Variants in PARVG observed in about 807,000 individuals in gnomAD.
PARVG encodes parvin gamma, also known as gamma-parvin.
A neutral mutation model predicts 44.4 loss-of-function variants in PARVG; 36 were observed. The observed-to-expected ratio is 0.81, with a 90% CI of 0.62 to 1.07. PARVG has a LOEUF of 1.07. Ranked by LOEUF, PARVG falls within the 50% of genes least tolerant of loss-of-function variation. The probability of loss-of-function intolerance (pLI) is 0.00; values close to 1 mark genes in which losing one functional copy is unlikely to be tolerated. For synonymous variants in PARVG, 170 were observed against 174.1 expected (o/e 0.98, Z 0.19); for missense variants, 407 against 407.4 (o/e 1.00, Z 0.01).
chr22:44,190,476 CA>C (rs1247991199), intron 6 of PARVG, 74 bp from the exon 7 acceptor site: 4 of 1,098,602 alleles, frequency 3.6e-6, no homozygotes, highest in Non-Finnish European at 5.6e-6. Context: ...GTTGTTCTGA[CA>C]GTGAGGAAGC....
chr22:44,185,746 G>A (rs762024891), intron 3 of PARVG, 62 bp from the exon 4 acceptor site: 21 of 1,431,840 alleles, frequency 1.5e-5, no homozygotes, highest in Non-Finnish European at 2.0e-5. Flanking sequence ...GTGACCTGCA[G>A]GGAGTGTGGC....
At chr22:44,204,075 C>T (rs547506978) in intron 12 of PARVG, among the ~76,000 whole-genome samples, 5 of 152,306 alleles carry the variant, frequency 3.3e-5, no homozygotes, top group Admixed American at 3.3e-4. Flanking sequence ...GAACTCCTGA[C>T]CTCAGGTGAT....
At chr22:44,173,169 G>A (rs1386121361) in exon 1 of PARVG, 2 of 1,274,920 alleles carry the variant, frequency 1.6e-6, no homozygotes, top group Non-Finnish European at 1.0e-6. Flanking sequence ...AAGGAGAAGA[G>A]GGCAGCAGAG....
At chr22:44,198,945 C>CCCATCCAT (rs1292696321) in intron 12 of PARVG, among the ~76,000 whole-genome samples, 62 of 23,022 alleles carry the variant, frequency 2.7e-3, no homozygotes, top group African/African-American at 9.7e-3. Context: ...CATCCACCCA[C>CCCATCCAT]CCATCCATCC....
At chr22:44,188,003 C>A in intron 5 of PARVG, 125 bp downstream of exon 5, 3 of 974,786 alleles carry the variant, frequency 3.1e-6, no homozygotes, top group South Asian at 1.4e-5. Context: ...GGACACCTGT[C>A]TCACTTTCTA....
rs1249598044 is a variant in PARVG, at chr22:44,206,416, C to A, written c.986C>A (p.Ala329Asp). 1.2e-6 allele frequency: 2 copies of A among 1,613,794 alleles called. No homozygotes were observed. Among genetic ancestry groups the A allele is most frequent in the African/African-American group, 2.7e-5 (2 of 74,882 alleles). Residue 329 changes from alanine to aspartate, a missense_variant, in exon 14 of 14, where the codon GCC (alanine) becomes GAC (aspartate). Physicochemically the swap from Ala to Asp is moderately radical, Grantham distance 126. Coordinates refer to ENST00000444313, the MANE Select transcript of PARVG (RefSeq NM_022141.7). ...CACAGGGACAGGACGCCCCATGGAGCCCCGAATTGACCCTCACTGCCTCCA... is the reference window on the plus strand; with the variant it reads ...CACAGGGACAGGACGCCCCATGGAGACCCGAATTGACCCTCACTGCCTCCA... Reference protein sequence around the residue: ...KAHRDRTPHGAPN With the variant: ...KAHRDRTPHGDPN
chr22:44,181,570 G>T, intron 1 of PARVG, 172 bp from the exon 2 acceptor site: 1 of 589,848 alleles, frequency 1.7e-6, no homozygotes, highest in Non-Finnish European at 2.1e-6. Flanking sequence ...AAACTGGCAT[G>T]GTTTGGGGAA....
At chr22:44,173,359 T>C (rs1290126975) in intron 1 of PARVG, among the ~76,000 whole-genome samples, 4 of 152,110 alleles carry the variant, frequency 2.6e-5, no homozygotes, top group Non-Finnish European at 2.9e-5. Context: ...CGCTGTTGAC[T>C]CTGAAAGGCA....
chr22:44,202,787 T>A (rs955567986), intron 12 of PARVG, among the ~76,000 whole-genome samples: 1 of 152,210 alleles, frequency 6.6e-6, no homozygotes, highest in African/African-American at 2.4e-5. Context: ...CAGACCCTCT[T>A]TGCTGATGGT....
rs114452581 is a variant in PARVG, at chr22:44,182,667, G to A, written c.-12-651G>A. On this transcript the variant is annotated intron_variant, in intron 2 of 13. Transcript: ENST00000444313. This position sits in a 1 kb window ranked among gnomAD's most constrained non-coding sequence, Gnocchi z 4.6. ...GGGAGGAAGAGGGAGGCCAGAAGGCGCCAGCCGAGCCAGCGAAGCCTTCAC... is the reference window on the plus strand; with the variant it reads ...GGGAGGAAGAGGGAGGCCAGAAGGCACCAGCCGAGCCAGCGAAGCCTTCAC... 3.3e-3 allele frequency among the ~76,000 whole-genome samples: 498 copies of A among 152,320 alleles called. 4 individuals are homozygous for A. Among genetic ancestry groups the A allele is most frequent in the African/African-American group, 0.011 (464 of 41,572 alleles).
chr22:44,199,592 T>C (rs2054677658), intron 12 of PARVG, among the ~76,000 whole-genome samples: 1 of 152,186 alleles, frequency 6.6e-6, no homozygotes, highest in Admixed American at 6.5e-5. Flanking sequence ...ACGTGTGGTC[T>C]TGCAGGGCCA....
intron 12 of PARVG, among the ~76,000 whole-genome samples, chr22:44,199,999 G>A (rs991263011): frequency 6.6e-6 from 1 of 152,122 alleles, no homozygotes; most frequent in Admixed American, 6.5e-5. Context: ...AGTGATGGAG[G>A]TGGGGTGAGA....
upstream of PARVG, among the ~76,000 whole-genome samples, chr22:44,177,537 A>G (rs930596735): frequency 2.0e-5 from 3 of 152,024 alleles, no homozygotes; most frequent in African/African-American, 7.3e-5. Context: ...CTTATGTTTC[A>G]TAGCCTTGAT....
chr22:44,207,768 G>C lies in PARVG; in HGVS notation c.*1342G>C, dbSNP rs1254068050. On this transcript the variant is annotated 3_prime_UTR_variant, in exon 14 of 14. Transcript: ENST00000444313. ...GTCTGGGTGTGAGAAGGCCTTGAGGGGTCTTCCCTTCACCTAGCCTCCCAT... is the reference window on the plus strand; with the variant it reads ...GTCTGGGTGTGAGAAGGCCTTGAGGCGTCTTCCCTTCACCTAGCCTCCCAT... 6.6e-6 allele frequency: 1 copy of C among 152,192 alleles called. No individual in the cohort carries two copies. Among genetic ancestry groups the C allele is most frequent in the Non-Finnish European group, 1.5e-5 (1 of 68,122 alleles). The allele number at this position is 152,192 out of a possible 1,614,324, so 9.4% of individuals were successfully genotyped here.
upstream of PARVG, among the ~76,000 whole-genome samples, chr22:44,177,531 T>C (rs5764108): frequency 5.8e-4 from 89 of 152,320 alleles, 1 homozygote; most frequent in East Asian, 0.011. Context: ...TCTTTCCTTA[T>C]GTTTCATAGC....
intron 8 of PARVG, among the ~76,000 whole-genome samples, chr22:44,192,832 C>T (rs2054568672): frequency 6.6e-6 from 1 of 152,246 alleles, no homozygotes; most frequent in African/African-American, 2.4e-5. Context: ...GGGAGCATGG[C>T]TGTCCTGCTC....
At chr22:44,198,009 T>C (rs964514059) in intron 11 of PARVG, among the ~76,000 whole-genome samples, 1 of 152,178 alleles carries the variant, frequency 6.6e-6, no homozygotes, top group African/African-American at 2.4e-5. Context: ...GCATTTCAGT[T>C]GTATTACCAA....
At chr22:44,185,596 A>G (rs561109916) in intron 3 of PARVG, 2 of 485,420 alleles carry the variant, frequency 4.1e-6, no homozygotes, top group African/African-American at 3.9e-5. Flanking sequence ...TCAAGAAATA[A>G]CTTCCGAGTT....
intron 6 of PARVG, 93 bp from the exon 7 acceptor site, chr22:44,190,458 T>C (rs1010344441): frequency 3.3e-6 from 3 of 921,992 alleles, no homozygotes; most frequent in Non-Finnish European, 5.4e-6. Flanking sequence ...CTCCTTGGTC[T>C]GCAGATGGTT....
Sources: allele counts gnomAD v4.1 joint callset (sites outside exome capture counted in the v4.1 genomes callset), GRCh38; gene constraint gnomAD v4.1.1; non-coding constraint Gnocchi (gnomAD v3.1); transcripts MANE v1.5; gene names NCBI Gene and HGNC (gene_info 2026-07-23, HGNC 2026-07-21).